MT1X: variants seen among roughly 807,000 people sequenced by gnomAD.
The protein encoded by MT1X is metallothionein-1X.
In MT1X, 7 loss-of-function variants were observed where a neutral mutation model predicts 8.6. That is an observed-to-expected ratio of 0.81 (90% CI 0.46 to 1.52). MT1X has a LOEUF of 1.52. MT1X is among the 40% of genes most tolerant of loss of function. The pLI, the probability that MT1X is intolerant of heterozygous loss-of-function variation, is 0.01. For missense variants in MT1X, 72 were observed against 74.3 expected (o/e 0.97, Z 0.11); for synonymous variants, 25 against 27.6 (o/e 0.91, Z 0.30).
At position 56,682,515 on chromosome 16, in the gene MT1X, G is replaced by C. The variant is rs753928069; in HGVS notation, c.-26G>C. 5 of 1,614,058 alleles carry C rather than the reference G, an allele frequency of 3.1e-6. No homozygotes were observed. In the Admixed American group the frequency reaches 6.7e-5, roughly 22 times the overall value. On this transcript the variant is annotated 5_prime_UTR_variant, in exon 1 of 3. Transcript: ENST00000394485. ...CGCTGCGTGTTTTCCTCTTGATCGG[G>C]AACTCCTGCTTCTCCTTGCCTCGAA...
At chr16:56,682,754 T>G (rs1427251087) in intron 1 of MT1X, 186 bp downstream of exon 1, 1 of 734,266 alleles carries the variant, frequency 1.4e-6, no homozygotes, top group Non-Finnish European at 2.2e-6. Context: ...TAAGTTAGAG[T>G]TGAGGGTACT....
chr16:56,682,743 C>CT (rs1961016295), intron 1 of MT1X, 175 bp downstream of exon 1: 1 of 794,564 alleles, frequency 1.3e-6, no homozygotes, highest in Non-Finnish European at 2.0e-6. Flanking sequence ...CCCTGTGCCT[C>CT]TAAGTTAGAG....
At chr16:56,683,535 C>T in intron 2 of MT1X, 1 of 413,532 alleles carries the variant, frequency 2.4e-6, no homozygotes, top group South Asian at 2.6e-5. Context: ...GCACTTAAGG[C>T]CCAGGATCTG....
intron 1 of MT1X, chr16:56,682,936 C>T: frequency 3.3e-6 from 2 of 613,852 alleles, no homozygotes; most frequent in Non-Finnish European, 5.7e-6. Flanking sequence ...CCTTCCTGGG[C>T]TGTGTCTGGA....
intron 2 of MT1X, chr16:56,683,718 G>A: frequency 1.8e-6 from 1 of 553,588 alleles, no homozygotes; most frequent in South Asian, 2.3e-5. Flanking sequence ...TTTTGTTCCT[G>A]TACCCCCAAT....
At chr16:56,683,011 GGA>G (rs1961019798) in intron 1 of MT1X, 152 bp from the exon 2 acceptor site, 1 of 868,978 alleles carries the variant, frequency 1.2e-6, no homozygotes, top group African/African-American at 1.7e-5. Flanking sequence ...TGAAGGGAGA[GGA>G]GATGGGGCTT....
At chr16:56,682,921 C>G (rs1303237961) in intron 1 of MT1X, 3 of 603,418 alleles carry the variant, frequency 5.0e-6, no homozygotes, top group Non-Finnish European at 5.8e-6. Flanking sequence ...GGCCTCCTGT[C>G]TTAGCCTTCC....
Position 56,682,534 on chromosome 16 carries a change from C to A in MT1X, c.-7C>A. 10 of 1,614,204 alleles carry A rather than the reference C, an allele frequency of 6.2e-6. No individual in the cohort carries two copies. The highest frequency in any genetic ancestry group is 8.5e-6 in the Non-Finnish European group (10 of 1,180,024). On this transcript the variant is annotated 5_prime_UTR_variant, in exon 1 of 3. Transcript: ENST00000394485. ...GATCGGGAACTCCTGCTTCTCCTTG[C>A]CTCGAAATGGACCCCAACTGCTCCT...
intron 2 of MT1X, 167 bp from the exon 3 acceptor site, chr16:56,683,791 T>A (rs765819025): frequency 4.2e-5 from 44 of 1,049,766 alleles, no homozygotes; most frequent in Non-Finnish European, 5.6e-5. Flanking sequence ...CTTTTTCATA[T>A]AAAACCCTCA....
chr16:56,682,564 G>C lies in MT1X; in HGVS notation c.24G>C (p.Ser8=), dbSNP rs147291148. 5 of 1,614,064 alleles carry C rather than the reference G, an allele frequency of 3.1e-6. No individual in the cohort carries two copies. Among genetic ancestry groups the C allele is most frequent in the Non-Finnish European group, 4.2e-6 (5 of 1,180,028 alleles). ...AAATGGACCCCAACTGCTCCTGCTC[G>C]CCTGGTAAGGGACACCTAGCTCCGC... MDPNCSC[S]PVGSCACAGS... Residue 8 remains serine (S), a synonymous_variant, in exon 1 of 3, where the codon TCG becomes TCC. Coordinates refer to ENST00000394485, the MANE Select transcript of MT1X (RefSeq NM_005952.4).
rs774690958 is a variant in MT1X at position 56,683,980 on chromosome 16, G to A, written c.117G>A (p.Val39=). 2.5e-6 allele frequency: 4 copies of A among 1,614,174 alleles called. No individual in the cohort carries two copies. The highest frequency in any genetic ancestry group is 1.1e-5 in the South Asian group (1 of 91,084). Residue 39 remains valine, a synonymous_variant, in exon 3 of 3, where the codon GTG becomes GTA. Coordinates refer to ENST00000394485, the MANE Select transcript of MT1X (RefSeq NM_005952.4). ...CAGGCTGCTGCTCCTGCTGCCCTGT[G>A]GGCTGTGCCAAGTGTGCCCAGGGCT... ...CKKSCCSCCP[V]GCAKCAQGCI...
intron 2 of MT1X, chr16:56,683,444 T>C (rs1164768159): frequency 1.6e-5 from 9 of 552,362 alleles, no homozygotes; most frequent in Middle Eastern, 5.6e-4. Context: ...GGTTACCAGA[T>C]AGTGTTGGGA....
chr16:56,683,862 T>C, intron 2 of MT1X, 96 bp from the exon 3 acceptor site: 1 of 1,537,686 alleles, frequency 6.5e-7, no homozygotes, highest in East Asian at 2.2e-5. Context: ...GATGGTCCTC[T>C]GGGGCTGGAG....
chr16:56,683,308 G>T (rs781157723), intron 2 of MT1X, 78 bp downstream of exon 2: 1 of 1,554,240 alleles, frequency 6.4e-7, no homozygotes, highest in African/African-American at 1.4e-5. Flanking sequence ...GCAGGCAGGG[G>T]CAGGCCAATG....
At chr16:56,683,688 G>T in intron 2 of MT1X, 1 of 488,480 alleles carries the variant, frequency 2.0e-6, no homozygotes, top group East Asian at 3.9e-5. Flanking sequence ...TTAAGGGTAG[G>T]TTTTGGGGAA....
chr16:56,682,610 C>T (rs372764576), intron 1 of MT1X, 42 bp downstream of exon 1: 1 of 1,612,932 alleles, frequency 6.2e-7, no homozygotes, highest in Non-Finnish European at 8.5e-7. Context: ...GCCCGTTTCC[C>T]AGCCACAGTA....
At chr16:56,683,796 C>A in intron 2 of MT1X, 162 bp from the exon 3 acceptor site, 2 of 1,078,220 alleles carry the variant, frequency 1.9e-6, no homozygotes, top group South Asian at 1.5e-5. Flanking sequence ...TCATATAAAA[C>A]CCTCATCCCA....
chr16:56,683,101 T>C, intron 1 of MT1X, 64 bp from the exon 2 acceptor site: 4 of 1,589,930 alleles, frequency 2.5e-6, no homozygotes, highest in Admixed American at 3.3e-5. Flanking sequence ...TGAAGCGTTA[T>C]TGACCAGCTG....
rs1187098556 is a variant in MT1X, at chr16:56,683,189, C to T, written c.53C>T (p.Ser18Phe). Residue 18 changes from serine (S) to phenylalanine (F), a missense_variant, in exon 2 of 3, where the codon TCC becomes TTC. By Grantham distance (155) the Ser-to-Phe change is radical. Coordinates refer to ENST00000394485, the MANE Select transcript of MT1X (RefSeq NM_005952.4). The stretch of plus-strand genomic sequence containing the variant: ...GTTGGCTCCTGTGCCTGTGCCGGCT[C>T]CTGCAAATGCAAAGAGTGCAAATGC... ...SPVGSCACAG[S>F]CKCKECKCTS... 3 of 1,614,040 alleles carry T rather than the reference C, an allele frequency of 1.9e-6. No individual in the cohort carries two copies. The highest frequency in any genetic ancestry group is 1.1e-5 in the South Asian group (1 of 91,088).
Sources: allele counts gnomAD v4.1 joint callset, GRCh38; gene constraint gnomAD v4.1.1; transcripts MANE v1.5; gene names NCBI Gene and HGNC (gene_info 2026-07-23, HGNC 2026-07-21).